Variants in CFAP263 observed in about 807,000 individuals in gnomAD.
The protein encoded by CFAP263 is cilia- and flagella-associated protein 263.
chr16:58,270,918 T>C, the CFAP263 span, among the ~76,000 whole-genome samples: 1 of 152,202 alleles, frequency 6.6e-6, no homozygotes, highest in Admixed American at 6.5e-5. Flanking sequence ...GCGTTTCTTA[T>C]GCAAATACAG....
chr16:58,258,490 G>A, the CFAP263 span: 8 of 1,614,136 alleles, frequency 5.0e-6, no homozygotes, highest in Middle Eastern at 1.6e-4. Flanking sequence ...CTCAGAAAGT[G>A]ATGAAATACA....
the CFAP263 span, among the ~76,000 whole-genome samples, chr16:58,262,962 A>T: frequency 1.3e-5 from 2 of 152,346 alleles, no homozygotes; most frequent in East Asian, 3.9e-4. Context: ...GTTTAATTTG[A>T]GCACATTATA....
At chr16:58,271,015 T>C in the CFAP263 span, among the ~76,000 whole-genome samples, 1 of 152,216 alleles carries the variant, frequency 6.6e-6, no homozygotes, top group African/African-American at 2.4e-5. Flanking sequence ...CAATTATATA[T>C]GTATTTTTAT....
At chr16:58,261,670 G>A in the CFAP263 span, among the ~76,000 whole-genome samples, 1 of 152,296 alleles carries the variant, frequency 6.6e-6, no homozygotes, top group East Asian at 1.9e-4. Context: ...GTTGTACTGG[G>A]GCTTAAGGAA....
the CFAP263 span, chr16:58,258,395 T>C: frequency 6.2e-7 from 1 of 1,613,918 alleles, no homozygotes; most frequent in South Asian, 1.1e-5. Flanking sequence ...TGAAATTCGA[T>C]GGAGTGAAGT....
chr16:58,254,246 T>G, the CFAP263 span: 3 of 1,414,594 alleles, frequency 2.1e-6, no homozygotes, highest in Non-Finnish European at 3.0e-6. Flanking sequence ...TTCATGTGAT[T>G]GTTGGGGCTT....
chr16:58,262,500 T>C, the CFAP263 span: 1 of 1,610,846 alleles, frequency 6.2e-7, no homozygotes, highest in Middle Eastern at 1.7e-4. Context: ...CAGCTAAAGC[T>C]GTCATCTGGA....
chr16:58,280,277 C>T, the CFAP263 span: 21 of 1,613,754 alleles, frequency 1.3e-5, no homozygotes, highest in Admixed American at 3.3e-5. Flanking sequence ...ATGATTTCTT[C>T]GGGCTGATAC....
At chr16:58,262,253 C>G in the CFAP263 span, 3 of 793,306 alleles carry the variant, frequency 3.8e-6, no homozygotes, top group East Asian at 7.5e-5. Flanking sequence ...CAAACAGATG[C>G]CCAATATGTG....
At chr16:58,272,832 A>C in the CFAP263 span, among the ~76,000 whole-genome samples, 11 of 150,648 alleles carry the variant, frequency 7.3e-5, no homozygotes, top group Non-Finnish European at 1.3e-4. Flanking sequence ...CTCATCTTAG[A>C]TATTTTCTGC....
chr16:58,277,281 A>G, the CFAP263 span, among the ~76,000 whole-genome samples: 1 of 151,944 alleles, frequency 6.6e-6, no homozygotes, highest in Non-Finnish European at 1.5e-5. Flanking sequence ...GGCCTAAGTC[A>G]CCATGCCCGA....
chr16:58,262,019 C>G, the CFAP263 span, among the ~76,000 whole-genome samples: 3 of 152,022 alleles, frequency 2.0e-5, no homozygotes, highest in African/African-American at 7.3e-5. Context: ...TGTGGGATGC[C>G]CTCTGTGCGT....
At chr16:58,266,936 G>A in the CFAP263 span, among the ~76,000 whole-genome samples, 4 of 152,264 alleles carry the variant, frequency 2.6e-5, no homozygotes, top group East Asian at 5.8e-4. Flanking sequence ...CTCAATTCCC[G>A]GCTCCCCCTG....
chr16:58,281,221 T>C, the CFAP263 span: 16,922 of 165,322 alleles, frequency 0.1, 974 homozygotes, highest in Admixed American at 0.12. Context: ...CTACTCCCAA[T>C]GGAGCAGTCC....
chr16:58,280,022 T>G, the CFAP263 span: 1 of 630,560 alleles, frequency 1.6e-6, no homozygotes, highest in Non-Finnish European at 2.7e-6. Context: ...TAGCCAGCAT[T>G]TAGTTCACAA....
At chr16:58,259,802 G>A in the CFAP263 span, 5 of 1,213,028 alleles carry the variant, frequency 4.1e-6, no homozygotes, top group Non-Finnish European at 5.9e-6. Flanking sequence ...AAACCAATGG[G>A]AAAAAGGAGA....
the CFAP263 span, chr16:58,280,880 A>G: frequency 1.2e-6 from 1 of 846,048 alleles, no homozygotes; most frequent in Non-Finnish European, 1.8e-6. Context: ...GAAATGGGGC[A>G]AATTATAGGA....
chr16:58,283,203 C>T, the CFAP263 span: 1 of 152,210 alleles, frequency 6.6e-6, no homozygotes. Context: ...TAGGCAGATT[C>T]TGAACCTGGT....
At chr16:58,266,527 T>C in the CFAP263 span, among the ~76,000 whole-genome samples, 3 of 150,670 alleles carry the variant, frequency 2.0e-5, no homozygotes, top group Admixed American at 1.3e-4. Flanking sequence ...TTACTGCCTC[T>C]CCCCTACTGT....
Sources: gnomAD v4.1 joint callset for allele counts (sites outside exome capture counted in the v4.1 genomes callset) on GRCh38, gnomAD v4.1.1 for gene constraint, MANE v1.5 for transcripts, NCBI Gene and HGNC (gene_info 2026-07-23, HGNC 2026-07-21) for gene names.